The following CEP112 variants were observed in gnomAD, a reference collection of about 807,000 sequenced individuals.
CEP112 encodes the protein centrosomal protein of 112 kDa.
Under a neutral mutation model 153.0 loss-of-function variants are expected in CEP112, and 127 were observed. The ratio of observed to expected loss-of-function variants is 0.83; its 90% CI spans 0.72 to 0.96. The LOEUF is 0.96. Ranked by LOEUF, CEP112 falls within the 40% of genes least tolerant of loss-of-function variation. The pLI, the probability that CEP112 is intolerant of heterozygous loss-of-function variation, is 0.00. For missense variants in CEP112, 1,089 were observed against 1,101.2 expected (o/e 0.99, Z 0.16); for synonymous variants, 358 against 374.4 (o/e 0.96, Z 0.51).
chr17:66,125,131 T>C (rs1598399106), intron 6 of CEP112, among the ~76,000 whole-genome samples: 1 of 152,164 alleles, frequency 6.6e-6, no homozygotes. Context: ...CCATTTTGAG[T>C]AGATACTTCC....
At chr17:65,827,605 C>T (rs1039679051) in intron 21 of CEP112, among the ~76,000 whole-genome samples, 28 of 152,250 alleles carry the variant, frequency 1.8e-4, no homozygotes, top group South Asian at 4.1e-4. Flanking sequence ...GATCATGTCC[C>T]TTCATGGCAT....
chr17:66,060,751 C>T (rs181655376), intron 11 of CEP112, among the ~76,000 whole-genome samples: 21 of 152,008 alleles, frequency 1.4e-4, no homozygotes, highest in African/African-American at 3.1e-4. Flanking sequence ...ACACAAAAAT[C>T]GACGCAAAAT....
chr17:65,945,261 C>T (rs762687897), intron 18 of CEP112, among the ~76,000 whole-genome samples: 7 of 152,144 alleles, frequency 4.6e-5, no homozygotes, highest in Non-Finnish European at 1.0e-4. Flanking sequence ...GTGACTAGAC[C>T]ACAGTTTACT....
At chr17:65,691,864 G>A (rs189267635) in intron 23 of CEP112, among the ~76,000 whole-genome samples, 1 of 152,146 alleles carries the variant, frequency 6.6e-6, no homozygotes, top group Non-Finnish European at 1.5e-5. Flanking sequence ...ACCACTGTCA[G>A]AGTGAACTTC....
intron 10 of CEP112, among the ~76,000 whole-genome samples, chr17:66,064,481 C>T (rs529406100): frequency 6.6e-6 from 1 of 152,206 alleles, no homozygotes; most frequent in South Asian, 2.1e-4. Context: ...ATAAATTCAG[C>T]TCTATTTTTA....
intron 12 of CEP112, among the ~76,000 whole-genome samples, chr17:66,034,970 T>TGTGTGTGTGTGTGTGTGTGTGTG (rs1568411071): frequency 1.0e-5 from 1 of 96,758 alleles, no homozygotes; most frequent in Non-Finnish European, 2.0e-5. Flanking sequence ...AGCTAAGTTT[T>TGTGTGTGTGTGTGTGTGTGTGTG]TGCATGTATA....
intron 12 of CEP112, chr17:66,043,019 T>C (rs1254369688): frequency 1.2e-6 from 1 of 836,400 alleles, no homozygotes; most frequent in South Asian, 5.5e-5. Context: ...AATTATCATA[T>C]GTCACTACTA....
rs777328405 is a variant in CEP112 at position 66,191,073 on chromosome 17, T to A, written c.-9+924A>T. 9.9e-5 allele frequency among the ~76,000 whole-genome samples: 15 copies of A among 152,232 alleles called. No individual in the cohort carries two copies. The highest frequency in any genetic ancestry group is 2.1e-4 in the Non-Finnish European group (14 of 68,036). On this transcript the variant is annotated intron_variant, in intron 1 of 26. Coordinates refer to ENST00000535342, the MANE Select transcript of CEP112 (RefSeq NM_001199165.4). This position sits in a 1 kb window ranked among gnomAD's most constrained non-coding sequence, Gnocchi z 4.2. ...CCCTGACTCTACCCGTAGCTCAGTG[T>A]GTGCTTTAGAAACAAATCTCAGTTT...
At chr17:65,930,623 G>A (rs2144242221) in intron 18 of CEP112, among the ~76,000 whole-genome samples, 1 of 152,312 alleles carries the variant, frequency 6.6e-6, no homozygotes, top group African/African-American at 2.4e-5. Context: ...TAAATTTAAG[G>A]AATGATTAAA....
intron 19 of CEP112, among the ~76,000 whole-genome samples, chr17:65,927,195 A>G (rs1315484720): frequency 6.6e-6 from 1 of 151,856 alleles, no homozygotes. Flanking sequence ...TGCTTTTGCC[A>G]TGTAAGGTGC....
chr17:65,779,129 T>A (rs1401213334), intron 21 of CEP112, among the ~76,000 whole-genome samples: 1 of 152,182 alleles, frequency 6.6e-6, no homozygotes, highest in Non-Finnish European at 1.5e-5. Flanking sequence ...TTTAAAGACA[T>A]AATTTAATAT....
chr17:65,669,384 G>A (rs1461987588), intron 24 of CEP112, among the ~76,000 whole-genome samples: 1 of 152,162 alleles, frequency 6.6e-6, no homozygotes, highest in African/African-American at 2.4e-5. Flanking sequence ...ATAAACGTAG[G>A]GTTGGAGTTT....
intron 17 of CEP112, among the ~76,000 whole-genome samples, chr17:65,996,220 G>T (rs2063787042): frequency 6.6e-6 from 1 of 150,442 alleles, no homozygotes; most frequent in South Asian, 2.1e-4. Flanking sequence ...CATTATATTT[G>T]TATCTTTATA....
At chr17:65,849,631 T>C (rs2057854923) in intron 21 of CEP112, among the ~76,000 whole-genome samples, 1 of 152,218 alleles carries the variant, frequency 6.6e-6, no homozygotes, top group Non-Finnish European at 1.5e-5. Context: ...ATTGGATGTG[T>C]TATATGTCTG....
intron 23 of CEP112, among the ~76,000 whole-genome samples, chr17:65,730,237 G>A (rs2050425848): frequency 6.6e-6 from 1 of 152,182 alleles, no homozygotes; most frequent in African/African-American, 2.4e-5. Context: ...AATAGAATCG[G>A]AGGGAAGCTT....
chr17:66,086,380 C>CTTTTCTT (rs2067931452), intron 8 of CEP112, among the ~76,000 whole-genome samples: 2 of 67,026 alleles, frequency 3.0e-5, no homozygotes, highest in African/African-American at 1.3e-4. Context: ...ATTTTCTTTT[C>CTTTTCTT]TTTTTTTTTT....
At chr17:65,644,986 G>C (rs915370651) in intron 24 of CEP112, among the ~76,000 whole-genome samples, 2 of 152,004 alleles carry the variant, frequency 1.3e-5, no homozygotes, top group African/African-American at 4.8e-5. Flanking sequence ...ACTTCACTGG[G>C]AAATGCTTTG....
At chr17:65,834,115 C>T (rs1440648322) in intron 21 of CEP112, among the ~76,000 whole-genome samples, 1 of 152,108 alleles carries the variant, frequency 6.6e-6, no homozygotes, top group African/African-American at 2.4e-5. Flanking sequence ...ACTCCCTATT[C>T]AATGAATGGT....
rs534873384 is a variant in CEP112, at chr17:65,841,093, G to A, written c.2394+10711C>T. 1.1e-4 allele frequency among the ~76,000 whole-genome samples: 16 copies of A among 152,046 alleles called. 1 individual carries two copies. In the South Asian group the frequency reaches 1.2e-3, roughly 12 times the overall value. ...AGTCACTATAGAAAACAGTATAAAG[G>A]TTCCTCAAAAAACTAAAAATAATCT... On this transcript the variant is annotated intron_variant, in intron 21 of 26. Coordinates refer to ENST00000535342, the MANE Select transcript of CEP112 (RefSeq NM_001199165.4).
Sources: gnomAD v4.1 joint callset for allele counts (sites outside exome capture counted in the v4.1 genomes callset) on GRCh38, gnomAD v4.1.1 for gene constraint, Gnocchi (gnomAD v3.1) non-coding constraint, MANE v1.5 for transcripts, NCBI Gene and HGNC (gene_info 2026-07-23, HGNC 2026-07-21) for gene names.